EARS2: variants seen among roughly 807,000 people sequenced by gnomAD.
EARS2 encodes glutamyl-tRNA synthetase 2, mitochondrial.
EARS2 carries 50 observed loss-of-function variants against 54.1 expected under a neutral mutation model. The observed-to-expected ratio is 0.92, with a 90% CI of 0.74 to 1.17. EARS2 has a LOEUF of 1.17. Ranked by LOEUF, EARS2 falls within the 50% of genes most tolerant of loss-of-function variation. EARS2 has a pLI of 0.00. For missense variants in EARS2, 673 were observed against 675.0 expected, an observed-to-expected ratio of 1.00 and a Z score of 0.03; for synonymous variants, 298 against 281.0, an observed-to-expected ratio of 1.06 and a Z score of -0.61.
rs748060185 is a variant in EARS2 at position 23,544,562 on chromosome 16, C to T, written c.437G>A (p.Arg146Gln). The stretch of plus-strand genomic sequence containing the variant: ...GGCCTCCTTCTTCAGGAGCTCCAGC[C>T]GCTGGGGTGAGCAGAAACAGGGGTA... ...AAYPCFCSPQ[R>Q]LELLKKEALR... Residue 146 changes from arginine (R) to glutamine (Q), a missense_variant, in exon 3 of 9, where the codon CGG becomes CAG. Transcript: ENST00000449606. The T allele has an allele frequency of 1.4e-5, 23 of 1,614,034 alleles. No homozygotes were observed. Among genetic ancestry groups the T allele is most frequent in the African/African-American group, 1.1e-4 (8 of 74,934 alleles).
intron 3 of EARS2, among the ~76,000 whole-genome samples, chr16:23,541,796 C>A (rs531970822): frequency 6.7e-6 from 1 of 150,030 alleles, no homozygotes; most frequent in East Asian, 2.0e-4. Context: ...TGGGTTCATG[C>A]GATTCTAGTG....
At chr16:23,556,604 C>T in intron 1 of EARS2, 1 of 292,930 alleles carries the variant, frequency 3.4e-6, no homozygotes. Context: ...AGTGATGCAC[C>T]CACCTCTGCC....
intron 3 of EARS2, among the ~76,000 whole-genome samples, chr16:23,543,469 T>A (rs1336316840): frequency 6.6e-6 from 1 of 150,860 alleles, no homozygotes; most frequent in Admixed American, 6.6e-5. Context: ...CTGATCTGGC[T>A]GGGCACGGTG....
At chr16:23,526,310 C>T (rs1965228300) in intron 7 of EARS2, among the ~76,000 whole-genome samples, 1 of 151,950 alleles carries the variant, frequency 6.6e-6, no homozygotes, top group South Asian at 2.1e-4. Flanking sequence ...CAGGGTTTTA[C>T]CATGTTGATC....
chr16:23,547,815 G>C (rs1019112498), intron 2 of EARS2, among the ~76,000 whole-genome samples: 3 of 152,022 alleles, frequency 2.0e-5, no homozygotes, highest in Admixed American at 2.0e-4. Context: ...ATTTTTAAAA[G>C]GCTGGGCATG....
intron 1 of EARS2, among the ~76,000 whole-genome samples, chr16:23,556,485 G>C (rs1201731809): frequency 6.6e-6 from 1 of 152,212 alleles, no homozygotes; most frequent in Non-Finnish European, 1.5e-5. Context: ...CTCCCAAGTA[G>C]CTGGGATTAC....
Position 23,534,815 on chromosome 16 carries a change from G to A in EARS2, c.958+73C>T, listed in dbSNP as rs1332038267. ...TGGCAAAGCTGGGACCAAAGAGCAGGACTGTCTGAGCCAAAGCCCTGCTCC... is the reference window on the plus strand; with the variant it reads ...TGGCAAAGCTGGGACCAAAGAGCAGAACTGTCTGAGCCAAAGCCCTGCTCC... On this transcript the variant is annotated intron_variant, in intron 4 of 8. Coordinates refer to ENST00000449606, the MANE Select transcript of EARS2 (RefSeq NM_001083614.2). 2.2e-6 allele frequency: 3 copies of A among 1,345,632 alleles called. No homozygotes were observed. In the Admixed American group the frequency reaches 8.0e-5, roughly 36 times the overall value. The allele number at this position is 1,345,632 out of a possible 1,614,324, so 83.4% of individuals were successfully genotyped here.
Position 23,520,785 on chromosome 16 carries a change from G to T in EARS2, c.*3586C>A, listed in dbSNP as rs554052205. On this transcript the variant is annotated 3_prime_UTR_variant, in exon 9 of 9. Coordinates refer to ENST00000449606, the MANE Select transcript of EARS2 (RefSeq NM_001083614.2). ...AAGTAGCAACAGCTTTATTAATTTCGCTTTTTTATTAATTTCTTGTTGAGA... is the reference window on the plus strand; with the variant it reads ...AAGTAGCAACAGCTTTATTAATTTCTCTTTTTTATTAATTTCTTGTTGAGA... 5.9e-5 allele frequency among the ~76,000 whole-genome samples: 9 copies of T among 151,928 alleles called. No individual in the cohort carries two copies. The highest frequency in any genetic ancestry group is 2.1e-4 in the South Asian group (1 of 4,820).
chr16:23,532,054 C>G (rs919009430), intron 5 of EARS2, among the ~76,000 whole-genome samples: 4 of 152,220 alleles, frequency 2.6e-5, no homozygotes, highest in African/African-American at 9.6e-5. Context: ...CTCAGGTGAT[C>G]TGCCAACCTT....
At chr16:23,554,551 A>G (rs1248059194) in intron 1 of EARS2, among the ~76,000 whole-genome samples, 1 of 152,208 alleles carries the variant, frequency 6.6e-6, no homozygotes, top group Non-Finnish European at 1.5e-5. Flanking sequence ...TTACAAGTAC[A>G]AGAGGCAGCA....
chr16:23,529,765 C>T lies in EARS2; in HGVS notation c.1200G>A (p.Glu400=). Residue 400 remains glutamate (E), a synonymous_variant, in exon 6 of 9, where the codon GAG becomes GAA. Transcript: ENST00000449606. Reference sequence around the variant, plus strand: ...ACACCTGTCTCAGCAGGAGGATCCTCTCCACGTAGACTGGGTTGAGGACAT... The same window carrying T: ...ACACCTGTCTCAGCAGGAGGATCCTTTCCACGTAGACTGGGTTGAGGACAT... ...NRDVLNPVYV[E]RILLLRQGHI... is the part of the protein sequence containing the mutation. 6.2e-7 allele frequency: 1 copy of T among 1,614,178 alleles called. No homozygotes were observed.
intron 2 of EARS2, chr16:23,544,917 C>T (rs1965578318): frequency 2.3e-6 from 1 of 438,212 alleles, no homozygotes; most frequent in Non-Finnish European, 4.0e-6. Flanking sequence ...TCTTAGCTCA[C>T]TGCAACCTCC....
At chr16:23,557,072 T>C (rs769606947) in intron 1 of EARS2, 133 bp downstream of exon 1, 10 of 1,346,232 alleles carry the variant, frequency 7.4e-6, no homozygotes, top group Middle Eastern at 1.8e-4. Flanking sequence ...CTCTGTAAAA[T>C]GGGCTCGCGC....
At chr16:23,537,245 C>A (rs188470574) in intron 3 of EARS2, 3 of 157,418 alleles carry the variant, frequency 1.9e-5, no homozygotes, top group African/African-American at 7.2e-5. Flanking sequence ...AACATAATAA[C>A]ATGTTTATTT....
chr16:23,545,962 A>G (rs1965596926), intron 2 of EARS2, among the ~76,000 whole-genome samples: 1 of 152,170 alleles, frequency 6.6e-6, no homozygotes, highest in Non-Finnish European at 1.5e-5. Flanking sequence ...AGCTGGGATT[A>G]TAGGAATGTG....
At chr16:23,542,621 C>G (rs533071177) in intron 3 of EARS2, among the ~76,000 whole-genome samples, 22 of 152,104 alleles carry the variant, frequency 1.4e-4, no homozygotes, top group African/African-American at 5.3e-4. Context: ...GCCTGTGGAC[C>G]TTGCTCATTA....
intron 3 of EARS2, among the ~76,000 whole-genome samples, chr16:23,537,723 C>T (rs984290159): frequency 2.6e-5 from 4 of 151,728 alleles, no homozygotes; most frequent in African/African-American, 4.8e-5. Context: ...CAGGTATGCA[C>T]GACTATACCC....
intron 3 of EARS2, chr16:23,537,137 G>A (rs192555275): frequency 1.3e-3 from 304 of 233,030 alleles, no homozygotes; most frequent in African/African-American, 6.8e-3. Flanking sequence ...AAAAGTTAAA[G>A]AAGAAAAAGT....
chr16:23,533,482 C>G (rs936963335), intron 4 of EARS2, among the ~76,000 whole-genome samples: 2 of 152,092 alleles, frequency 1.3e-5, no homozygotes, highest in African/African-American at 2.4e-5. Flanking sequence ...AGTGAGCAAG[C>G]CCTGGGCCCC....
Sources: gnomAD v4.1 joint callset for allele counts (sites outside exome capture counted in the v4.1 genomes callset) on GRCh38, gnomAD v4.1.1 for gene constraint, MANE v1.5 for transcripts, NCBI Gene and HGNC (gene_info 2026-07-23, HGNC 2026-07-21) for gene names.